The following SMAD9 variants were observed in gnomAD, a reference collection of about 807,000 sequenced individuals.
SMAD9 encodes the protein SMAD family member 9.
In SMAD9, 36 loss-of-function variants were observed where a neutral mutation model predicts 46.1. The observed-to-expected ratio is 0.78, with a 90% CI of 0.60 to 1.03. SMAD9 has a LOEUF of 1.03. SMAD9 is among the 50% of genes least tolerant of loss of function. The pLI, the probability that SMAD9 is intolerant of heterozygous loss-of-function variation, is 0.00. For synonymous variants in SMAD9, 245 were observed against 237.1 expected, an observed-to-expected ratio of 1.03 and a Z score of -0.31; for missense variants, 572 against 599.8, an observed-to-expected ratio of 0.95 and a Z score of 0.48.
chr13:36,894,060 A>AT (rs2058509444), intron 1 of SMAD9, among the ~76,000 whole-genome samples: 1 of 152,218 alleles, frequency 6.6e-6, no homozygotes, highest in Non-Finnish European at 1.5e-5. Flanking sequence ...AAGTTCAAAG[A>AT]TTAAGAAAAA....
At chr13:36,879,196 G>C (rs2058376360) in intron 2 of SMAD9, 82 bp downstream of exon 2, 1 of 1,218,140 alleles carries the variant, frequency 8.2e-7, no homozygotes. Flanking sequence ...GTCCCTGTCT[G>C]CTGGTGCCCC....
chr13:36,901,323 CCTCA>C (rs2058573878), intron 1 of SMAD9, among the ~76,000 whole-genome samples: 1 of 152,142 alleles, frequency 6.6e-6, no homozygotes, highest in African/African-American at 2.4e-5. Context: ...TTCTCTACAT[CCTCA>C]CTGACACTTG....
At chr13:36,880,066 T>C (rs377013155) in intron 1 of SMAD9, among the ~76,000 whole-genome samples, 191 bp from the exon 2 acceptor site, 10 of 152,250 alleles carry the variant, frequency 6.6e-5, no homozygotes, top group Middle Eastern at 3.4e-3. Flanking sequence ...CAAAGTTGGA[T>C]AGAAGGGAAA....
intron 3 of SMAD9, among the ~76,000 whole-genome samples, chr13:36,871,056 T>A (rs2058288296): frequency 1.3e-5 from 2 of 152,340 alleles, no homozygotes; most frequent in African/African-American, 4.8e-5. Context: ...AGGCTGCAAC[T>A]GACCTCTGGT....
intron 5 of SMAD9, 61 bp downstream of exon 5, chr13:36,865,476 T>TA: frequency 7.1e-7 from 1 of 1,403,768 alleles, no homozygotes; most frequent in Non-Finnish European, 1.0e-6. Context: ...CGTGCACTTC[T>TA]ACACACATGA....
intron 3 of SMAD9, among the ~76,000 whole-genome samples, chr13:36,871,092 C>T (rs1363866354): frequency 6.6e-6 from 1 of 152,186 alleles, no homozygotes; most frequent in Non-Finnish European, 1.5e-5. Flanking sequence ...TAAGGGGGGA[C>T]AACTACACCG....
At chr13:36,895,704 A>AT (rs753187802) in intron 1 of SMAD9, among the ~76,000 whole-genome samples, 6 of 152,220 alleles carry the variant, frequency 3.9e-5, no homozygotes, top group Non-Finnish European at 5.9e-5. Context: ...TGCTTTGCTA[A>AT]TGGCTGCACA....
chr13:36,886,139 G>C (rs953109539), intron 1 of SMAD9, among the ~76,000 whole-genome samples: 1 of 152,202 alleles, frequency 6.6e-6, no homozygotes, highest in East Asian at 1.9e-4. Context: ...CTTGACATGT[G>C]AGGAAACCAA....
intron 3 of SMAD9, among the ~76,000 whole-genome samples, chr13:36,867,941 C>T (rs1489890149): frequency 6.6e-6 from 1 of 152,168 alleles, no homozygotes; most frequent in Non-Finnish European, 1.5e-5. Context: ...AAATGGGATG[C>T]ATTCCGTGGA....
intron 1 of SMAD9, among the ~76,000 whole-genome samples, chr13:36,919,009 A>C (rs2058719802): frequency 6.6e-6 from 1 of 152,186 alleles, no homozygotes; most frequent in African/African-American, 2.4e-5. Flanking sequence ...GGTACTAGTA[A>C]ACTGGATCCA....
At chr13:36,886,643 G>A (rs903344870) in intron 1 of SMAD9, among the ~76,000 whole-genome samples, 2 of 152,260 alleles carry the variant, frequency 1.3e-5, no homozygotes, top group East Asian at 3.8e-4. Flanking sequence ...TGCCCTTACA[G>A]GGCTTAGAAA....
At chr13:36,912,422 T>C (rs1477555569) in intron 1 of SMAD9, among the ~76,000 whole-genome samples, 1 of 152,134 alleles carries the variant, frequency 6.6e-6, no homozygotes, top group Non-Finnish European at 1.5e-5. Context: ...GTCCCTTTCC[T>C]CTATACTACT....
chr13:36,853,782 A>T, intron 5 of SMAD9, 107 bp from the exon 6 acceptor site: 1 of 1,104,034 alleles, frequency 9.1e-7, no homozygotes, highest in Non-Finnish European at 1.4e-6. Flanking sequence ...AGGTTGTCAG[A>T]TCACTGATCA....
At chr13:36,893,905 AT>A (rs1254487103) in intron 1 of SMAD9, among the ~76,000 whole-genome samples, 1 of 152,076 alleles carries the variant, frequency 6.6e-6, no homozygotes, top group East Asian at 1.9e-4. Context: ...ATATTCCATA[AT>A]TTTTATAAGT....
At chr13:36,871,295 A>T (rs1273871216) in intron 3 of SMAD9, among the ~76,000 whole-genome samples, 1 of 152,184 alleles carries the variant, frequency 6.6e-6, no homozygotes, top group African/African-American at 2.4e-5. Context: ...AGGTGGGCAG[A>T]TCACCTGAGG....
At position 36,848,709 on chromosome 13, in the gene SMAD9, G is replaced by C. The variant is rs1164969793; in HGVS notation, c.1371C>G (p.Gly457=). The C allele has an allele frequency of 8.7e-6, 14 of 1,614,138 alleles. No individual in the cohort carries two copies. The highest frequency in any genetic ancestry group is 1.1e-5 in the Non-Finnish European group (13 of 1,179,964). The part of the protein sequence containing the change: ...QWLDKVLTQM[G]SPHNPISSVS ...CTGAAGAAATGGGGTTATGTGGAGA[G>C]CCCATCTGAGTCAGAACTTTGTCCA... The change falls in exon 7 of 7, where the codon GGC becomes GGG. Residue 457 remains glycine (G), a synonymous_variant. Coordinates refer to ENST00000379826, the MANE Select transcript of SMAD9 (RefSeq NM_001127217.3).
At chr13:36,909,440 G>GTT (rs1240715130) in intron 1 of SMAD9, among the ~76,000 whole-genome samples, 2 of 152,204 alleles carry the variant, frequency 1.3e-5, no homozygotes, top group Non-Finnish European at 2.9e-5. Flanking sequence ...AGATCATGGT[G>GTT]TAAGTTTCTA....
At chr13:36,895,916 GAC>G (rs964342381) in intron 1 of SMAD9, among the ~76,000 whole-genome samples, 5 of 152,080 alleles carry the variant, frequency 3.3e-5, no homozygotes, top group African/African-American at 1.2e-4. Flanking sequence ...CCTAAGCAGA[GAC>G]TTAAGTTATT....
At chr13:36,910,431 C>T (rs1237654898) in intron 1 of SMAD9, among the ~76,000 whole-genome samples, 1 of 152,070 alleles carries the variant, frequency 6.6e-6, no homozygotes. Context: ...ACAGAATGTA[C>T]ACCACCAAGA....
Sources: allele counts gnomAD v4.1 joint callset (sites outside exome capture counted in the v4.1 genomes callset), GRCh38; gene constraint gnomAD v4.1.1; transcripts MANE v1.5; gene names NCBI Gene and HGNC (gene_info 2026-07-23, HGNC 2026-07-21).